ANKRD17: variants seen among roughly 807,000 people sequenced by gnomAD.
ANKRD17 encodes the protein ankyrin repeat domain 17.
A neutral mutation model predicts 229.7 loss-of-function variants in ANKRD17; 19 were observed. That is an observed-to-expected ratio of 0.08 (90% CI 0.06 to 0.12). The LOEUF (loss-of-function observed/expected upper bound fraction) is 0.12. Among genes scored for constraint, ANKRD17 ranks in the 10% least tolerant of loss-of-function variants. The pLI, the probability that ANKRD17 is intolerant of heterozygous loss-of-function variation, is 1.00. For missense variants in ANKRD17, 2,176 were observed against 3,176.8 expected, an observed-to-expected ratio of 0.68 and a Z score of 7.57; for synonymous variants, 1,112 against 1,146.1, an observed-to-expected ratio of 0.97 and a Z score of 0.60.
At chr4:73,231,800 T>A (rs1319769509) in intron 1 of ANKRD17, among the ~76,000 whole-genome samples, 2 of 152,014 alleles carry the variant, frequency 1.3e-5, no homozygotes, top group Non-Finnish European at 2.9e-5. Flanking sequence ...AAGGGGAGAA[T>A]AAAAGTGAAA....
rs111419029 is a variant in ANKRD17 at position 73,256,070 on chromosome 4, T to TAAC, written c.393+2205_393+2206insGTT. On this transcript the variant is annotated intron_variant, in intron 1 of 33. Coordinates refer to ENST00000358602, the MANE Select transcript of ANKRD17 (RefSeq NM_032217.5). ...ACGTATTTCTCCTGACTCATCTTCA[T>TAAC]AAATGACAAACCCATTGTTTAACAC... 2.3e-3 allele frequency among the ~76,000 whole-genome samples: 357 copies of TAAC among 152,288 alleles called. 2 individuals are homozygous for TAAC. Among genetic ancestry groups the TAAC allele is most frequent in the South Asian group, 0.016 (77 of 4,834 alleles).
intron 18 of ANKRD17, among the ~76,000 whole-genome samples, chr4:73,123,414 T>C (rs948087509): frequency 6.6e-6 from 1 of 152,026 alleles, no homozygotes; most frequent in African/African-American, 2.4e-5. Flanking sequence ...GCCCCTACTA[T>C]GAATTATAGA....
At position 73,166,673 on chromosome 4, in the gene ANKRD17, T is replaced by G. The variant is rs185845715; in HGVS notation, c.548-5325A>C. Among the ~76,000 whole-genome samples the G allele has an allele frequency of 2.3e-3, 354 of 151,210 alleles. 3 individuals carry two copies. Among genetic ancestry groups the G allele is most frequent in the African/African-American group, 8.0e-3 (330 of 41,084 alleles). On this transcript the variant is annotated intron_variant, in intron 2 of 33. Transcript: ENST00000358602. ...ATCTGAATCTGATCAAGTATCTGGA[T>G]CTAAAATAGGAAATACAACACACAG...
At chr4:73,173,435 G>A (rs1156781180) in intron 2 of ANKRD17, among the ~76,000 whole-genome samples, 1 of 152,122 alleles carries the variant, frequency 6.6e-6, no homozygotes, top group Admixed American at 6.5e-5. Context: ...AAGAAAGATG[G>A]CAGAGAGGAG....
chr4:73,206,769 A>G (rs1739518513), intron 1 of ANKRD17, among the ~76,000 whole-genome samples: 1 of 152,212 alleles, frequency 6.6e-6, no homozygotes, highest in South Asian at 2.1e-4. Flanking sequence ...TATTTACAGC[A>G]TGGTAACTAG....
intron 1 of ANKRD17, among the ~76,000 whole-genome samples, chr4:73,219,150 T>G (rs371243217): frequency 6.6e-6 from 1 of 152,208 alleles, no homozygotes; most frequent in East Asian, 1.9e-4. Flanking sequence ...TTTTATCAAC[T>G]CTTAATGATT....
At chr4:73,196,369 C>T (rs1737885755) in intron 1 of ANKRD17, among the ~76,000 whole-genome samples, 1 of 152,120 alleles carries the variant, frequency 6.6e-6, no homozygotes, top group Non-Finnish European at 1.5e-5. Flanking sequence ...TGCTTTGGTT[C>T]AATTTGCTCT....
chr4:73,224,901 A>G (rs1742307240), intron 1 of ANKRD17, among the ~76,000 whole-genome samples: 2 of 152,202 alleles, frequency 1.3e-5, no homozygotes, highest in Admixed American at 1.3e-4. Flanking sequence ...TTTTACGAAT[A>G]AGGGAACCAA....
Position 73,110,400 on chromosome 4 carries a change from G to A in ANKRD17, c.4401+3392C>T, listed in dbSNP as rs187232347. Among the ~76,000 whole-genome samples, 34 of 152,272 alleles carry A rather than the reference G, an allele frequency of 2.2e-4. 1 individual carries two copies. Among genetic ancestry groups the A allele is most frequent in the East Asian group, 3.9e-4 (2 of 5,192 alleles). ...TGGGTCTCACTACATTGGCCAGGCC[G>A]GATTTGAATTCCTGGGCTCAGCCTC... On this transcript the variant is annotated intron_variant, in intron 24 of 33. Coordinates refer to ENST00000358602, the MANE Select transcript of ANKRD17 (RefSeq NM_032217.5).
chr4:73,077,484 T>C lies in ANKRD17; in HGVS notation c.7458A>G (p.Arg2486=). ...NPGMGNPMIH[R]PMSDPGVFSQ... Reference sequence around the variant, plus strand: ...AAAATACTCCTGGGTCAGACATCGGTCTGTGGATCATAGGATTTCCCATCC... The same window carrying C: ...AAAATACTCCTGGGTCAGACATCGGCCTGTGGATCATAGGATTTCCCATCC... The change falls in exon 32 of 34, where the codon AGA becomes AGG. Residue 2486 remains arginine, a synonymous_variant. Transcript: ENST00000358602. 1 of 1,613,210 alleles carries C rather than the reference T, an allele frequency of 6.2e-7. No homozygotes were observed. The highest frequency in any genetic ancestry group is 1.1e-5 in the South Asian group (1 of 90,958).
chr4:73,222,149 A>G (rs1438290839), intron 1 of ANKRD17, among the ~76,000 whole-genome samples: 1 of 152,158 alleles, frequency 6.6e-6, no homozygotes, highest in Non-Finnish European at 1.5e-5. Context: ...GAGGAAAAAA[A>G]AGAAAAACCC....
chr4:73,227,540 CA>C (rs1426683168), intron 1 of ANKRD17, among the ~76,000 whole-genome samples: 1 of 152,068 alleles, frequency 6.6e-6, no homozygotes, highest in Non-Finnish European at 1.5e-5. Flanking sequence ...ATTTTGCCAA[CA>C]GAAGTATTAA....
At position 73,092,296 on chromosome 4, in the gene ANKRD17, C is replaced by T; in HGVS notation, c.5332G>A (p.Gly1778Ser). ...GTTGCTTGTCTTGTTGATTCAGTGC[C>T]ACCCCTATAAATTGAGAAAAAAAAA... ...TGDRIITIRG[G>S]TESTRQATQL... Residue 1778 changes from glycine to serine, a missense_variant, in exon 29 of 34, where the codon GGC (glycine) becomes AGC (serine). By Grantham distance (56) the Gly-to-Ser change is moderately conservative (BLOSUM62 0). This residue lies in a region of ANKRD17 where 27 missense variants were observed against 89.2 expected (regional missense o/e 0.30). Coordinates refer to ENST00000358602, the MANE Select transcript of ANKRD17 (RefSeq NM_032217.5). The T allele has an allele frequency of 6.2e-7, 1 of 1,602,818 alleles. No individual in the cohort carries two copies. The highest frequency in any genetic ancestry group is 8.5e-7 in the Non-Finnish European group (1 of 1,176,218).
intron 9 of ANKRD17, 34 bp from the exon 10 acceptor site, chr4:73,146,907 T>C: frequency 6.5e-7 from 1 of 1,538,266 alleles, no homozygotes; most frequent in Non-Finnish European, 8.9e-7. Flanking sequence ...ATAGACTTAA[T>C]AAAGGAGCCA....
intron 18 of ANKRD17, 51 bp downstream of exon 18, chr4:73,124,862 A>G (rs1727229434): frequency 1.3e-6 from 2 of 1,585,106 alleles, no homozygotes; most frequent in Non-Finnish European, 1.7e-6. Flanking sequence ...GTGAAAGTAC[A>G]CATTTGCTAA....
chr4:73,258,032 CATG>C (rs997561331), intron 1 of ANKRD17, among the ~76,000 whole-genome samples: 8 of 151,234 alleles, frequency 5.3e-5, no homozygotes, highest in Non-Finnish European at 1.0e-4. Context: ...TGAGCCATCC[CATG>C]ATAACAGGCT....
At chr4:73,118,039 G>A (rs1049550705) in intron 22 of ANKRD17, among the ~76,000 whole-genome samples, 2 of 151,518 alleles carry the variant, frequency 1.3e-5, no homozygotes, top group African/African-American at 2.4e-5. Context: ...TTTTTGAGAC[G>A]GGGTCGTACT....
chr4:73,159,924 T>A (rs1009433151), intron 3 of ANKRD17, among the ~76,000 whole-genome samples: 4 of 152,142 alleles, frequency 2.6e-5, no homozygotes, highest in Admixed American at 2.6e-4. Flanking sequence ...AACAGCAAAT[T>A]CATGACCTTG....
chr4:73,096,832 T>C (rs1007714207), intron 27 of ANKRD17, among the ~76,000 whole-genome samples: 1 of 152,234 alleles, frequency 6.6e-6, no homozygotes, highest in Non-Finnish European at 1.5e-5. Flanking sequence ...AAGTAGCTTT[T>C]ATAATACTTC....
Sources: gnomAD v4.1 joint callset for allele counts (sites outside exome capture counted in the v4.1 genomes callset) on GRCh38, gnomAD v4.1.1 for gene constraint, gnomAD v4.1.1 regional missense constraint, MANE v1.5 for transcripts, NCBI Gene and HGNC (gene_info 2026-07-23, HGNC 2026-07-21) for gene names.